GRM7: variants seen among roughly 807,000 people sequenced by gnomAD.
GRM7 encodes glutamate metabotropic receptor 7, also known as metabotropic glutamate receptor 7.
A neutral mutation model predicts 84.5 loss-of-function variants in GRM7; 35 were observed. The observed-to-expected ratio is 0.41, with a 90% CI of 0.32 to 0.55. GRM7 has a LOEUF of 0.55. Among genes scored for constraint, GRM7 ranks in the 20% least tolerant of loss-of-function variants. The pLI is 0.19. For synonymous variants in GRM7, 487 were observed against 455.1 expected (o/e 1.07, Z -0.89); for missense variants, 1,003 against 1,194.6 (o/e 0.84, Z 2.36).
At chr3:7,600,011 T>C (rs1320829674) in intron 8 of GRM7, among the ~76,000 whole-genome samples, 1 of 152,124 alleles carries the variant, frequency 6.6e-6, no homozygotes, top group African/African-American at 2.4e-5. Context: ...TTCTGCAAAA[T>C]ATCTGAGAGA....
At chr3:7,694,602 C>T (rs948491564) in intron 9 of GRM7, 1 of 152,464 alleles carries the variant, frequency 6.6e-6, no homozygotes, top group African/African-American at 2.4e-5. Context: ...CAAAATTTCA[C>T]TGTATTGTCA....
intron 4 of GRM7, among the ~76,000 whole-genome samples, chr3:7,352,496 GTC>G (rs1309971202): frequency 3.3e-5 from 5 of 152,074 alleles, no homozygotes; most frequent in Admixed American, 2.0e-4. Context: ...CTGAAGACGA[GTC>G]TCTGCTCCTG....
At chr3:7,689,541 A>G (rs1291859289) in intron 9 of GRM7, among the ~76,000 whole-genome samples, 1 of 152,134 alleles carries the variant, frequency 6.6e-6, no homozygotes, top group Non-Finnish European at 1.5e-5. Flanking sequence ...AGACACCATC[A>G]TTTCTCTCGC....
chr3:6,922,853 A>G (rs1697170486), intron 1 of GRM7, among the ~76,000 whole-genome samples: 1 of 152,224 alleles, frequency 6.6e-6, no homozygotes, highest in Non-Finnish European at 1.5e-5. Context: ...CTGATTTCAA[A>G]CAGCAATGCA....
intron 2 of GRM7, among the ~76,000 whole-genome samples, chr3:7,231,530 A>G (rs986008260): frequency 5.3e-5 from 8 of 152,190 alleles, no homozygotes; most frequent in Admixed American, 4.6e-4. Flanking sequence ...CATCTCTGCT[A>G]GAATGTTCTT....
rs143817760 is a variant in GRM7 at position 7,578,568 on chromosome 3, G to T, written c.1662G>T (p.Gln554His). 1 of 1,614,152 alleles carries T rather than the reference G, an allele frequency of 6.2e-7. No individual in the cohort carries two copies. The highest frequency in any genetic ancestry group is 2.2e-5 in the East Asian group (1 of 44,876). The change falls in exon 8 of 10, where the codon CAG becomes CAT. Residue 554 changes from glutamine to histidine, a missense_variant. Transcript: ENST00000357716. The part of the protein sequence containing the change: ...TCEPCDGYQY[Q>H]FDEMTCQHCP... ...AGCCTTGCGATGGTTACCAGTACCAGTTTGATGAGATGACATGCCAGCATT... is the reference window on the plus strand; with the variant it reads ...AGCCTTGCGATGGTTACCAGTACCATTTTGATGAGATGACATGCCAGCATT...
At chr3:7,497,704 C>T (rs1418836897) in intron 7 of GRM7, among the ~76,000 whole-genome samples, 1 of 152,134 alleles carries the variant, frequency 6.6e-6, no homozygotes, top group Non-Finnish European at 1.5e-5. Context: ...CTCTTGGTAT[C>T]TCTAAGAAAA....
At chr3:6,865,602 C>T (rs747570585) in intron 1 of GRM7, among the ~76,000 whole-genome samples, 1 of 151,728 alleles carries the variant, frequency 6.6e-6, no homozygotes, top group Non-Finnish European at 1.5e-5. Context: ...GTCAACTCTA[C>T]CCTTGTCGGA....
intron 1 of GRM7, among the ~76,000 whole-genome samples, chr3:7,003,320 T>C (rs1695076392): frequency 6.6e-6 from 1 of 152,182 alleles, no homozygotes; most frequent in Non-Finnish European, 1.5e-5. Context: ...CTTTCTACAA[T>C]GTATGCATAT....
intron 2 of GRM7, among the ~76,000 whole-genome samples, chr3:7,236,658 A>G (rs546191670): frequency 5.3e-5 from 8 of 152,312 alleles, no homozygotes; most frequent in African/African-American, 1.7e-4. Context: ...GCTAGCAGGT[A>G]GATAATAAGT....
intron 2 of GRM7, among the ~76,000 whole-genome samples, chr3:7,169,171 CG>C: frequency 6.6e-6 from 1 of 152,094 alleles, no homozygotes; most frequent in African/African-American, 2.4e-5. Context: ...TCATCTTGTC[CG>C]GGGTCATCAA....
rs1198039452 is a variant in GRM7 at position 6,863,563 on chromosome 3, A to G, written c.519+1656A>G. On this transcript the variant is annotated intron_variant, in intron 1 of 9. Transcript: ENST00000357716. The surrounding 1 kb of genome is among the most constrained non-coding windows in gnomAD (Gnocchi z 4.8). ...AAATCCTGGCAGGTCTGCAAACCCA[A>G]AAGTGCTTCGGGGCTAGCCATCACT... Among the ~76,000 whole-genome samples the G allele has an allele frequency of 6.6e-6, 1 of 152,128 alleles. No homozygotes were observed. Among genetic ancestry groups the G allele is most frequent in the African/African-American group, 2.4e-5 (1 of 41,432 alleles).
At chr3:7,176,706 AG>A (rs1695163456) in intron 2 of GRM7, among the ~76,000 whole-genome samples, 1 of 152,160 alleles carries the variant, frequency 6.6e-6, no homozygotes, top group Admixed American at 6.5e-5. Flanking sequence ...CTTGTCTCTT[AG>A]AACTCTTGTT....
In GRM7 at chr3:7,244,809, C is replaced by G. The variant is rs115169650; in HGVS notation, c.737-53875C>G. Among the ~76,000 whole-genome samples, 1,427 of 152,016 alleles carry G rather than the reference C, an allele frequency of 9.4e-3. 16 individuals are homozygous for G. The highest frequency in any genetic ancestry group is 0.026 in the African/African-American group (1,064 of 41,508). ...CATAAGAAGTGAGAAACATTCGACTCAAAAACAAATGAAGGAACAGTCTAT... is the reference window on the plus strand; with the variant it reads ...CATAAGAAGTGAGAAACATTCGACTGAAAAACAAATGAAGGAACAGTCTAT... On this transcript the variant is annotated intron_variant, in intron 2 of 9. Coordinates refer to ENST00000357716, the MANE Select transcript of GRM7 (RefSeq NM_000844.4).
rs149084895 is a variant in GRM7 at position 7,528,811 on chromosome 3, T to G, written c.1516-49611T>G. ...CAGGACAAATTGTTTAGTTTCCATGTAATTGTGTGGTTTTGAGAGTGCCTT... is the reference window on the plus strand; with the variant it reads ...CAGGACAAATTGTTTAGTTTCCATGGAATTGTGTGGTTTTGAGAGTGCCTT... On this transcript the variant is annotated intron_variant, in intron 7 of 9. Coordinates refer to ENST00000357716, the MANE Select transcript of GRM7 (RefSeq NM_000844.4). Among the ~76,000 whole-genome samples, 9 of 152,204 alleles carry G rather than the reference T, an allele frequency of 5.9e-5. No individual in the cohort carries two copies. In the East Asian group the frequency reaches 1.5e-3, roughly 26 times the overall value.
At chr3:7,180,882 G>C (rs1695314984) in intron 2 of GRM7, among the ~76,000 whole-genome samples, 1 of 152,088 alleles carries the variant, frequency 6.6e-6, no homozygotes, top group African/African-American at 2.4e-5. Context: ...CAACCCTTGA[G>C]TTTTCAAATT....
intron 1 of GRM7, among the ~76,000 whole-genome samples, chr3:6,987,142 T>G (rs1223505566): frequency 6.6e-6 from 1 of 152,190 alleles, no homozygotes; most frequent in Admixed American, 6.5e-5. Flanking sequence ...GCCTTTTCTC[T>G]TTTTTCTTCT....
chr3:6,917,748 A>G (rs796865565), intron 1 of GRM7, among the ~76,000 whole-genome samples: 10 of 152,268 alleles, frequency 6.6e-5, no homozygotes, highest in African/African-American at 2.4e-4. Context: ...TTGCAACTGA[A>G]TTGATAGCAA....
chr3:6,960,660 C>T (rs1439560378), intron 1 of GRM7, among the ~76,000 whole-genome samples: 1 of 152,160 alleles, frequency 6.6e-6, no homozygotes, highest in African/African-American at 2.4e-5. Flanking sequence ...AACATGCAGT[C>T]TGTCATTAGC....
Sources: gnomAD v4.1 joint callset for allele counts (sites outside exome capture counted in the v4.1 genomes callset) on GRCh38, gnomAD v4.1.1 for gene constraint, Gnocchi (gnomAD v3.1) non-coding constraint, MANE v1.5 for transcripts, NCBI Gene and HGNC (gene_info 2026-07-23, HGNC 2026-07-21) for gene names.